ASIC2: variants seen among roughly 807,000 people sequenced by gnomAD.
The protein encoded by ASIC2 is acid sensing ion channel subunit 2.
A neutral mutation model predicts 57.3 loss-of-function variants in ASIC2; 25 were observed. The ratio of observed to expected loss-of-function variants is 0.44; its 90% CI spans 0.32 to 0.61. The LOEUF is 0.61. ASIC2 is among the 20% of genes least tolerant of loss of function. The probability of loss-of-function intolerance (pLI) is 0.06; values close to 1 mark genes in which losing one functional copy is unlikely to be tolerated. For synonymous variants in ASIC2, 319 were observed against 307.5 expected (o/e 1.04, Z -0.39); for missense variants, 641 against 738.1 (o/e 0.87, Z 1.52).
intron 1 of ASIC2, among the ~76,000 whole-genome samples, chr17:33,203,412 C>A (rs563574428): frequency 6.6e-6 from 1 of 152,278 alleles, no homozygotes; most frequent in African/African-American, 2.4e-5. Context: ...CTGACTGGAG[C>A]CCTCATAAGA....
At chr17:33,387,088 A>C (rs11080215) in intron 1 of ASIC2, among the ~76,000 whole-genome samples, 2 of 151,948 alleles carry the variant, frequency 1.3e-5, no homozygotes, top group Admixed American at 6.6e-5. Flanking sequence ...GGGTTTCACC[A>C]TGTTGGCCAG....
chr17:33,033,424 G>T (rs1170073888), intron 3 of ASIC2, among the ~76,000 whole-genome samples: 1 of 152,230 alleles, frequency 6.6e-6, no homozygotes, highest in Non-Finnish European at 1.5e-5. Flanking sequence ...GGCAGGAGCA[G>T]GGGACAAGTG....
At chr17:33,268,795 G>A (rs1217749569) in intron 1 of ASIC2, among the ~76,000 whole-genome samples, 4 of 152,158 alleles carry the variant, frequency 2.6e-5, no homozygotes, top group Non-Finnish European at 1.5e-5. Context: ...TGGGGAAACT[G>A]AAGCTCAGAA....
intron 1 of ASIC2, among the ~76,000 whole-genome samples, chr17:33,515,411 C>G (rs1353852328): frequency 6.6e-6 from 1 of 152,218 alleles, no homozygotes; most frequent in Non-Finnish European, 1.5e-5. Flanking sequence ...AGCTCTGGCA[C>G]CAAACTCACT....
intron 1 of ASIC2, among the ~76,000 whole-genome samples, chr17:33,837,193 G>A (rs1913299591): frequency 1.3e-5 from 2 of 152,154 alleles, no homozygotes; most frequent in Admixed American, 1.3e-4. Context: ...CAAATCCCAA[G>A]GTGGTATCAA....
At chr17:33,051,498 T>A (rs187990762) in intron 3 of ASIC2, among the ~76,000 whole-genome samples, 1 of 152,146 alleles carries the variant, frequency 6.6e-6, no homozygotes, top group African/African-American at 2.4e-5. Context: ...TTACAAAATA[T>A]TAATAAGCTG....
rs56235143 is a variant in ASIC2 at position 33,528,167 on chromosome 17, G to GGTGT, written c.556-416104_556-416101dup. On this transcript the variant is annotated intron_variant, in intron 1 of 9. Coordinates refer to the ASIC2 transcript ENST00000359872. ...GCCTGGCTGACCCGTGTATGTGGTA[G>GGTGT]GTGTGTGTGTGTGTGTGTGGTTTCC... is the stretch of plus-strand genomic sequence containing the variant. Among the ~76,000 whole-genome samples the GGTGT allele has an allele frequency of 9.8e-3, 1,412 of 143,502 alleles. 18 individuals carry two copies. Among genetic ancestry groups the GGTGT allele is most frequent in the African/African-American group, 0.03 (1,170 of 38,704 alleles). 94.1% of individuals were successfully genotyped at this position (143,502 alleles called of 152,430 possible).
At chr17:34,011,032 T>TGC (rs1421842736) in intron 1 of ASIC2, among the ~76,000 whole-genome samples, 395 of 2,642 alleles carry the variant, frequency 0.15, 11 homozygotes, top group Non-Finnish European at 0.2. Context: ...GTCAGACACA[T>TGC]GCACACACAC....
At chr17:34,152,774 C>A (rs867170889) in intron 1 of ASIC2, among the ~76,000 whole-genome samples, 5 of 152,170 alleles carry the variant, frequency 3.3e-5, no homozygotes, top group African/African-American at 7.2e-5. Context: ...GGGCTTCAAA[C>A]CTTTGTCTTT....
At chr17:34,022,503 A>G (rs1907203826) in intron 1 of ASIC2, among the ~76,000 whole-genome samples, 1 of 152,106 alleles carries the variant, frequency 6.6e-6, no homozygotes, top group South Asian at 2.1e-4. Context: ...GAAATTCTCT[A>G]TATCTCTTAA....
At chr17:33,335,889 A>G (rs573558430) in intron 1 of ASIC2, among the ~76,000 whole-genome samples, 2 of 152,218 alleles carry the variant, frequency 1.3e-5, no homozygotes, top group Admixed American at 6.5e-5. Flanking sequence ...AATCGCAGAC[A>G]CACAAGTGCT....
intron 1 of ASIC2, among the ~76,000 whole-genome samples, chr17:33,454,912 T>A (rs570939411): frequency 6.6e-6 from 1 of 152,250 alleles, no homozygotes; most frequent in Non-Finnish European, 1.5e-5. Flanking sequence ...GTAGTGCTCA[T>A]GACTTAATCA....
At chr17:33,901,046 AC>A (rs1338826859) in intron 1 of ASIC2, among the ~76,000 whole-genome samples, 2 of 152,208 alleles carry the variant, frequency 1.3e-5, no homozygotes. Context: ...AAATCTAGCC[AC>A]GTGTAATATC....
chr17:33,135,198 C>T (rs1037168566), intron 1 of ASIC2, among the ~76,000 whole-genome samples: 1 of 152,126 alleles, frequency 6.6e-6, no homozygotes, highest in Non-Finnish European at 1.5e-5. Flanking sequence ...CCCCAGCTGC[C>T]CAGGACCTCA....
At chr17:33,575,624 G>C (rs1200357589) in intron 1 of ASIC2, among the ~76,000 whole-genome samples, 1 of 152,180 alleles carries the variant, frequency 6.6e-6, no homozygotes, top group East Asian at 1.9e-4. Context: ...AGTGCTATCT[G>C]CAAAAACTGT....
At chr17:33,751,126 AT>A (rs1910417546) in intron 1 of ASIC2, among the ~76,000 whole-genome samples, 1 of 152,128 alleles carries the variant, frequency 6.6e-6, no homozygotes, top group African/African-American at 2.4e-5. Context: ...TGCCTGGCAT[AT>A]TTATTTGTTC....
chr17:33,148,336 C>T (rs1904649525), intron 1 of ASIC2, among the ~76,000 whole-genome samples: 1 of 152,194 alleles, frequency 6.6e-6, no homozygotes, highest in African/African-American at 2.4e-5. Flanking sequence ...AAATGAACTG[C>T]CCAAGGTCAC....
chr17:33,654,324 T>C (rs900204624), intron 1 of ASIC2, among the ~76,000 whole-genome samples: 2 of 152,192 alleles, frequency 1.3e-5, no homozygotes, highest in Non-Finnish European at 2.9e-5. Context: ...GATCAACATT[T>C]TTCCTCTTTA....
chr17:33,413,405 C>T lies in ASIC2; in HGVS notation c.556-301338G>A, dbSNP rs139204700. Among the ~76,000 whole-genome samples the T allele has an allele frequency of 1.2e-3, 186 of 152,286 alleles. 1 individual carries two copies. The highest frequency in any genetic ancestry group is 4.3e-3 in the African/African-American group (179 of 41,560). On this transcript the variant is annotated intron_variant, in intron 1 of 9. Coordinates refer to the ASIC2 transcript ENST00000359872. The stretch of plus-strand genomic sequence containing the variant: ...CTTTCTTAAATGTCCCCAACTTGGT[C>T]CGATTGCAGCCTGAATACAGTCAAT...
Sources: gnomAD v4.1 joint callset for allele counts (sites outside exome capture counted in the v4.1 genomes callset) on GRCh38, gnomAD v4.1.1 for gene constraint, MANE v1.5 for transcripts, NCBI Gene and HGNC (gene_info 2026-07-23, HGNC 2026-07-21) for gene names.